The following POT1 variants were observed in gnomAD, a reference collection of about 807,000 sequenced individuals.
POT1 encodes protection of telomeres 1, also known as protection of telomeres protein 1.
A neutral mutation model predicts 78.5 loss-of-function variants in POT1; 47 were observed. The observed-to-expected ratio is 0.60, with a 90% CI of 0.47 to 0.76. The LOEUF (loss-of-function observed/expected upper bound fraction) is 0.76, where lower values mean the gene tolerates loss of function less well. Ranked by LOEUF, POT1 falls within the 30% of genes least tolerant of loss-of-function variation. The pLI, the probability that POT1 is intolerant of heterozygous loss-of-function variation, is 0.00. For missense variants in POT1, 646 were observed against 749.9 expected (o/e 0.86, Z 1.62); for synonymous variants, 259 against 260.7 (o/e 0.99, Z 0.06).
chr7:124,917,170 C>A (rs558877198), intron 2 of POT1, among the ~76,000 whole-genome samples: 2 of 152,224 alleles, frequency 1.3e-5, no homozygotes, highest in South Asian at 4.2e-4. Flanking sequence ...CTACTGCTAC[C>A]AAGACAGGCT....
At position 124,823,654 on chromosome 7, in the gene POT1, AC is replaced by A. The variant is rs1794560427; in HGVS notation, c.*307del. 1 of 253,190 alleles carries A rather than the reference AC, an allele frequency of 3.9e-6. No individual in the cohort carries two copies. The highest frequency in any genetic ancestry group is 8.5e-5 in the South Asian group (1 of 11,742). 15.7% of individuals were successfully genotyped at this position (253,190 alleles called of 1,614,324 possible). On this transcript the variant is annotated 3_prime_UTR_variant, in exon 19 of 19. Transcript: ENST00000357628. ...TTATCCTAAAATCATCAGTATCAGC[AC>A]CCCAACAAAGCAACTTTGCCATTTC...
intron 14 of POT1, among the ~76,000 whole-genome samples, chr7:124,836,032 A>T (rs1300258920): frequency 1.3e-5 from 2 of 152,186 alleles, no homozygotes. Context: ...CTCTCCAGGC[A>T]AAATGAAAAG....
intron 6 of POT1, among the ~76,000 whole-genome samples, chr7:124,877,996 A>T (rs1238605488): frequency 1.3e-5 from 2 of 152,036 alleles, no homozygotes; most frequent in Non-Finnish European, 2.9e-5. Flanking sequence ...ACAGAAGTAG[A>T]AAGTGATTAT....
chr7:124,892,171 G>C, intron 6 of POT1, 95 bp downstream of exon 6: 1 of 721,256 alleles, frequency 1.4e-6, no homozygotes. Context: ...TCAGAACTGA[G>C]CTTCTATTCT....
intron 9 of POT1, among the ~76,000 whole-genome samples, chr7:124,855,206 C>A (rs1220936562): frequency 1.2e-5 from 1 of 85,134 alleles, no homozygotes; most frequent in African/African-American, 5.0e-5. Flanking sequence ...TATGGAGACA[C>A]AGAGAGGAGA....
chr7:124,838,245 G>A (rs12154816), intron 14 of POT1, among the ~76,000 whole-genome samples: 60,553 of 151,736 alleles, frequency 0.4, 12,200 homozygotes, highest in East Asian at 0.49. Context: ...GAAGAAATAA[G>A]CTGTCTTTGT....
intron 3 of POT1, among the ~76,000 whole-genome samples, chr7:124,909,520 T>A (rs1200479461): frequency 2.0e-5 from 3 of 151,924 alleles, no homozygotes; most frequent in Admixed American, 6.6e-5. Flanking sequence ...ATTGGTATAT[T>A]AGACCCTCAA....
chr7:124,877,563 G>A lies in POT1; in HGVS notation c.125-6522C>T, dbSNP rs147787851. On this transcript the variant is annotated intron_variant, in intron 6 of 18. Transcript: ENST00000357628. The stretch of plus-strand genomic sequence containing the variant: ...TAAAAAAAAGAGTAATCAACCGGTC[G>A]TGGGGGCTCACACCTGTAATCCCAC... 5.0e-3 allele frequency among the ~76,000 whole-genome samples: 762 copies of A among 151,872 alleles called. 9 individuals carry two copies. Among genetic ancestry groups the A allele is most frequent in the African/African-American group, 0.017 (696 of 41,408 alleles).
chr7:124,870,592 T>C (rs868679133), intron 7 of POT1, among the ~76,000 whole-genome samples: 2 of 152,110 alleles, frequency 1.3e-5, no homozygotes, highest in Non-Finnish European at 2.9e-5. Flanking sequence ...CATTAAAAAA[T>C]AAATGTTCTT....
intron 5 of POT1, among the ~76,000 whole-genome samples, chr7:124,893,821 C>T (rs1186876559): frequency 6.6e-6 from 1 of 151,524 alleles, no homozygotes; most frequent in Non-Finnish European, 1.5e-5. Flanking sequence ...AAATTACTGC[C>T]TTAAAGACAG....
rs546740074 is a variant in POT1 at position 124,913,963 on chromosome 7, G to A, written c.-154+1611C>T. On this transcript the variant is annotated intron_variant, in intron 3 of 18. Transcript: ENST00000357628. ...ATCCTGGCTAACATGGTGAAACCCCGTCTCTACTAAAAATACAAAAAATTA... is the reference window on the plus strand; with the variant it reads ...ATCCTGGCTAACATGGTGAAACCCCATCTCTACTAAAAATACAAAAAATTA... Among the ~76,000 whole-genome samples, 8 of 151,796 alleles carry A rather than the reference G, an allele frequency of 5.3e-5. No individual in the cohort carries two copies. The East Asian group carries it at 7.8e-4, about 15-fold the overall frequency.
At chr7:124,914,008 G>T (rs759278545) in intron 3 of POT1, among the ~76,000 whole-genome samples, 1 of 151,752 alleles carries the variant, frequency 6.6e-6, no homozygotes, top group East Asian at 1.9e-4. Context: ...GGTGGTACGC[G>T]TCTGTAGTCC....
chr7:124,864,633 T>C (rs775725978), intron 7 of POT1, among the ~76,000 whole-genome samples: 1 of 152,186 alleles, frequency 6.6e-6, no homozygotes, highest in Non-Finnish European at 1.5e-5. Flanking sequence ...GGAATCAATA[T>C]TGTTCCACTA....
At chr7:124,881,517 T>C (rs1325274987) in intron 6 of POT1, among the ~76,000 whole-genome samples, 1 of 152,044 alleles carries the variant, frequency 6.6e-6, no homozygotes, top group African/African-American at 2.4e-5. Context: ...AAAAGAAATG[T>C]TAAACACCTT....
intron 6 of POT1, among the ~76,000 whole-genome samples, chr7:124,885,924 T>C (rs1796234321): frequency 6.6e-6 from 1 of 152,204 alleles, no homozygotes; most frequent in African/African-American, 2.4e-5. Context: ...TGTTAGTATC[T>C]ATAGCATTAT....
At chr7:124,829,689 C>G (rs1387657715) in intron 15 of POT1, among the ~76,000 whole-genome samples, 1 of 147,136 alleles carries the variant, frequency 6.8e-6, no homozygotes, top group African/African-American at 2.6e-5. Flanking sequence ...TAAGAATTCT[C>G]TGATTCTATG....
chr7:124,877,167 G>A (rs1796008403), intron 6 of POT1, among the ~76,000 whole-genome samples: 2 of 152,216 alleles, frequency 1.3e-5, no homozygotes, highest in Non-Finnish European at 2.9e-5. Context: ...GCAAGACTGT[G>A]AAGCAGATTA....
At chr7:124,911,461 A>G (rs2116686521) in intron 3 of POT1, among the ~76,000 whole-genome samples, 1 of 152,252 alleles carries the variant, frequency 6.6e-6, no homozygotes, top group Middle Eastern at 3.4e-3. Context: ...TTAGAACTAT[A>G]TTTCAATCAA....
chr7:124,869,269 A>G (rs959966443), intron 7 of POT1, among the ~76,000 whole-genome samples: 2 of 152,186 alleles, frequency 1.3e-5, no homozygotes, highest in Non-Finnish European at 2.9e-5. Context: ...TGAAGGGGTA[A>G]CTATATGCTG....
Sources: allele counts gnomAD v4.1 joint callset (sites outside exome capture counted in the v4.1 genomes callset), GRCh38; gene constraint gnomAD v4.1.1; transcripts MANE v1.5; gene names NCBI Gene and HGNC (gene_info 2026-07-23, HGNC 2026-07-21).